Variants in EPS15L1 observed in about 807,000 individuals in gnomAD.
EPS15L1 encodes the protein epidermal growth factor receptor substrate 15-like 1.
A neutral mutation model predicts 117.1 loss-of-function variants in EPS15L1; 43 were observed. The observed-to-expected ratio is 0.37, with a 90% CI of 0.29 to 0.47. The LOEUF (loss-of-function observed/expected upper bound fraction) is 0.47, where lower values mean the gene tolerates loss of function less well. Among genes scored for constraint, EPS15L1 ranks in the 20% least tolerant of loss-of-function variants. EPS15L1 has a pLI of 0.99. For missense variants in EPS15L1, 981 were observed against 1,164.0 expected (o/e 0.84, Z 2.29); for synonymous variants, 459 against 470.5 (o/e 0.98, Z 0.32).
In EPS15L1 at chr19:16,370,129, G is replaced by A. The variant is rs1441820021; in HGVS notation, c.2380+6993C>T. ...GGACCCAAAAGAGCCCCTGGGAGGGGAGCAAGTGAGGCGCAGAGCCCACCA... is the reference window on the plus strand; with the variant it reads ...GGACCCAAAAGAGCCCCTGGGAGGGAAGCAAGTGAGGCGCAGAGCCCACCA... On this transcript the variant is annotated intron_variant, in intron 22 of 23. Transcript: ENST00000455140. This position sits in a 1 kb window ranked among gnomAD's most constrained non-coding sequence, Gnocchi z 5.2. Among the ~76,000 whole-genome samples, 1 of 152,224 alleles carries A rather than the reference G, an allele frequency of 6.6e-6. No homozygotes were observed. Among genetic ancestry groups the A allele is most frequent in the African/African-American group, 2.4e-5 (1 of 41,460 alleles).
At chr19:16,386,837 G>A (rs749211930) in intron 19 of EPS15L1, among the ~76,000 whole-genome samples, 8 of 152,232 alleles carry the variant, frequency 5.3e-5, no homozygotes, top group Non-Finnish European at 1.0e-4. Flanking sequence ...CCATCTGCTG[G>A]TGAGTGTCTG....
intron 8 of EPS15L1, among the ~76,000 whole-genome samples, chr19:16,428,354 T>C (rs1182234877): frequency 6.9e-6 from 1 of 143,968 alleles, no homozygotes; most frequent in Admixed American, 7.2e-5. Context: ...AGCCTGGCGA[T>C]AGAGTGAGAC....
intron 1 of EPS15L1, among the ~76,000 whole-genome samples, chr19:16,464,498 CA>C (rs1324291454): frequency 6.6e-6 from 1 of 152,160 alleles, no homozygotes; most frequent in Admixed American, 6.6e-5. Context: ...TCTTATTTAC[CA>C]AAAGACCTTC....
chr19:16,425,226 T>A lies in EPS15L1; in HGVS notation c.649A>T (p.Thr217Ser). 6.2e-7 allele frequency: 1 copy of A among 1,601,008 alleles called. No homozygotes were observed. The highest frequency in any genetic ancestry group is 1.3e-5 in the African/African-American group (1 of 74,512). ...ACGGGGACGGCGCCAGGGAACACAG[T>A]CTTCTTTCTCTTGGAGGGTGGGATG... ...SLIPPSKRKK[T>S]VFPGAVPVLP... is the part of the protein sequence containing the mutation. Residue 217 changes from threonine (T) to serine (S), a missense_variant, in exon 9 of 24, where the codon ACT (threonine) becomes TCT (serine). Physicochemically the swap from Thr to Ser is moderately conservative, Grantham distance 58. This residue lies in a region of EPS15L1 where 819 missense variants were observed against 949.0 expected (regional missense o/e 0.86). Transcript: ENST00000455140.
chr19:16,465,184 G>C (rs1183901520), intron 1 of EPS15L1, among the ~76,000 whole-genome samples: 2 of 152,110 alleles, frequency 1.3e-5, no homozygotes, highest in African/African-American at 4.8e-5. Flanking sequence ...TGCAGCCATG[G>C]GTTGGACAAG....
chr19:16,418,655 A>G (rs2092783918), intron 10 of EPS15L1, among the ~76,000 whole-genome samples: 2 of 152,134 alleles, frequency 1.3e-5, no homozygotes, highest in Non-Finnish European at 2.9e-5. Flanking sequence ...CCAGATTCCT[A>G]TGTCCAAATC....
chr19:16,450,399 CCT>C (rs1343575190), intron 1 of EPS15L1, among the ~76,000 whole-genome samples: 5 of 151,692 alleles, frequency 3.3e-5, no homozygotes, highest in African/African-American at 1.2e-4. Context: ...ATGCCTTACC[CCT>C]GTGTCATGCC....
chr19:16,465,245 C>A (rs983631359), intron 1 of EPS15L1, among the ~76,000 whole-genome samples: 2 of 152,128 alleles, frequency 1.3e-5, no homozygotes, highest in Non-Finnish European at 2.9e-5. Flanking sequence ...TGTCCAACAC[C>A]CAAATGGAAG....
intron 7 of EPS15L1, among the ~76,000 whole-genome samples, chr19:16,433,717 A>G (rs1306709592): frequency 6.6e-6 from 1 of 151,872 alleles, no homozygotes; most frequent in African/African-American, 2.4e-5. Context: ...CTGTAATCCC[A>G]GCACTTTGGG....
At chr19:16,382,078 C>T (rs1315596462) in intron 21 of EPS15L1, among the ~76,000 whole-genome samples, 1 of 152,238 alleles carries the variant, frequency 6.6e-6, no homozygotes, top group Non-Finnish European at 1.5e-5. Context: ...ACACTCAAAT[C>T]AGAGCCGCCT....
In EPS15L1 at chr19:16,457,392, G is replaced by T. The variant is rs906000453; in HGVS notation, c.33+14521C>A. 3.3e-5 allele frequency among the ~76,000 whole-genome samples: 5 copies of T among 152,294 alleles called. No homozygotes were observed. In the South Asian group the frequency reaches 1.0e-3, roughly 32 times the overall value. ...CAGACATACACCCAGGGCACCAGGA[G>T]ACCTGGAAGGCCCCCCCTCCATGGC... On this transcript the variant is annotated intron_variant, in intron 1 of 23. Coordinates refer to ENST00000455140, the MANE Select transcript of EPS15L1 (RefSeq NM_001258374.3).
intron 23 of EPS15L1, chr19:16,356,503 G>A: frequency 6.6e-6 from 1 of 152,440 alleles, no homozygotes; most frequent in South Asian, 2.1e-4. Context: ...GTAGAGACGG[G>A]GTTTCACCAT....
chr19:16,367,463 T>C (rs2092148970), intron 22 of EPS15L1, among the ~76,000 whole-genome samples: 1 of 92,276 alleles, frequency 1.1e-5, no homozygotes, highest in Non-Finnish European at 2.1e-5. Flanking sequence ...GCAAAAACAA[T>C]ATGAACCAAA....
intron 1 of EPS15L1, among the ~76,000 whole-genome samples, chr19:16,456,279 T>C (rs1469865505): frequency 6.6e-6 from 1 of 152,174 alleles, no homozygotes; most frequent in East Asian, 1.9e-4. Context: ...GACCTGGAAA[T>C]TTATTTGTTT....
At chr19:16,375,424 G>T (rs966390858) in intron 22 of EPS15L1, among the ~76,000 whole-genome samples, 6 of 151,888 alleles carry the variant, frequency 4.0e-5, no homozygotes, top group Non-Finnish European at 8.8e-5. Flanking sequence ...ATGTGCACAT[G>T]CATGTGTGCC....
At chr19:16,398,425 C>A (rs2092562688) in intron 16 of EPS15L1, among the ~76,000 whole-genome samples, 1 of 152,200 alleles carries the variant, frequency 6.6e-6, no homozygotes, top group Non-Finnish European at 1.5e-5. Context: ...GTGCTGACGA[C>A]CACAAGACAC....
intron 23 of EPS15L1, among the ~76,000 whole-genome samples, chr19:16,360,639 C>G (rs963566360): frequency 3.3e-5 from 5 of 152,034 alleles, no homozygotes; most frequent in African/African-American, 9.7e-5. Flanking sequence ...CCCAGCTACT[C>G]AGGAGGCCAA....
intron 1 of EPS15L1, 86 bp from the exon 2 acceptor site, chr19:16,442,305 C>T: frequency 1.0e-6 from 1 of 984,146 alleles, no homozygotes. Context: ...TTGTCATGAC[C>T]AAAATATATG....
rs2092886674 is a variant in EPS15L1, at chr19:16,427,790, A to G, written c.558+912T>C. Among the ~76,000 whole-genome samples, 3 of 152,178 alleles carry G rather than the reference A, an allele frequency of 2.0e-5. No homozygotes were observed. In the South Asian group the frequency reaches 6.2e-4, roughly 31 times the overall value. On this transcript the variant is annotated intron_variant, in intron 8 of 23. Coordinates refer to ENST00000455140, the MANE Select transcript of EPS15L1 (RefSeq NM_001258374.3). ...GCACCTGTAATTCCAGCTACTTGGG[A>G]GACTGAGGCATGGGAATTGCTTGAA...
Sources: gnomAD v4.1 joint callset for allele counts (sites outside exome capture counted in the v4.1 genomes callset) on GRCh38, gnomAD v4.1.1 for gene constraint, gnomAD v4.1.1 regional missense constraint, Gnocchi (gnomAD v3.1) non-coding constraint, MANE v1.5 for transcripts, NCBI Gene and HGNC (gene_info 2026-07-23, HGNC 2026-07-21) for gene names.